The following LTBP2 variants were observed in gnomAD, a reference collection of about 807,000 sequenced individuals.
LTBP2 encodes latent-transforming growth factor beta-binding protein 2.
In LTBP2, 103 loss-of-function variants were observed where a neutral mutation model predicts 210.6. The observed-to-expected ratio is 0.49, with a 90% CI of 0.42 to 0.58. The LOEUF (loss-of-function observed/expected upper bound fraction) is 0.58. LTBP2 is among the 20% of genes least tolerant of loss of function. The probability of loss-of-function intolerance (pLI) is 0.00; values close to 1 mark genes in which losing one functional copy is unlikely to be tolerated. For synonymous variants in LTBP2, 1,007 were observed against 1,015.0 expected (o/e 0.99, Z 0.15); for missense variants, 2,313 against 2,494.5 (o/e 0.93, Z 1.55).
chr14:74,601,842 G>A (rs959047232), intron 2 of LTBP2, among the ~76,000 whole-genome samples: 1 of 152,192 alleles, frequency 6.6e-6, no homozygotes, highest in Admixed American at 6.5e-5. Context: ...CACACACCTG[G>A]ACTATTAGCT....
chr14:74,555,771 T>C, intron 3 of LTBP2, 78 bp from the exon 4 acceptor site: 1 of 1,128,024 alleles, frequency 8.9e-7, no homozygotes, highest in Non-Finnish European at 1.2e-6. Flanking sequence ...AGCCACCCAC[T>C]CTCTGCCTTT....
chr14:74,570,448 G>A (rs1223634591), intron 3 of LTBP2, among the ~76,000 whole-genome samples: 1 of 152,138 alleles, frequency 6.6e-6, no homozygotes, highest in Non-Finnish European at 1.5e-5. Flanking sequence ...ACACTTTCAG[G>A]AACTGGCCAA....
At chr14:74,605,491 T>C (rs895778458) in intron 1 of LTBP2, among the ~76,000 whole-genome samples, 1 of 152,000 alleles carries the variant, frequency 6.6e-6, no homozygotes, top group African/African-American at 2.4e-5. Flanking sequence ...AGACCCAGAG[T>C]TTCCGGGGGT....
At chr14:74,575,537 G>C (rs554684275) in intron 3 of LTBP2, among the ~76,000 whole-genome samples, 1 of 152,332 alleles carries the variant, frequency 6.6e-6, no homozygotes, top group Admixed American at 6.5e-5. Context: ...GTGTCCAACA[G>C]CTGAAAGGTC....
intron 21 of LTBP2, 76 bp from the exon 22 acceptor site, chr14:74,509,439 C>T: frequency 6.2e-7 from 1 of 1,600,700 alleles, no homozygotes. Context: ...CTCACCGTGG[C>T]TTCCCTCTCT....
chr14:74,499,231 G>A lies in LTBP2; in HGVS notation c.*1653C>T, dbSNP rs1358423961. 4.6e-6 allele frequency: 1 copy of A among 215,694 alleles called. No homozygotes were observed. Among genetic ancestry groups the A allele is most frequent in the Non-Finnish European group, 9.3e-6 (1 of 107,016 alleles). The allele number at this position is 215,694 out of a possible 1,614,324, so 13.4% of individuals were successfully genotyped here. Reference sequence around the variant, plus strand: ...TTAAGTTGCATTTCTTTTATTATGAGTGAAAGAATATTTTTACATGCGTAA... The same window carrying A: ...TTAAGTTGCATTTCTTTTATTATGAATGAAAGAATATTTTTACATGCGTAA... On this transcript the variant is annotated 3_prime_UTR_variant, in exon 36 of 36. Transcript: ENST00000261978.
chr14:74,522,962 C>T, intron 15 of LTBP2, 44 bp from the exon 16 acceptor site: 1 of 1,596,780 alleles, frequency 6.3e-7, no homozygotes, highest in Non-Finnish European at 8.5e-7. Flanking sequence ...AGGGTGGGTG[C>T]TGGACAAAGG....
At chr14:74,563,265 G>A (rs577042470) in intron 3 of LTBP2, among the ~76,000 whole-genome samples, 3 of 151,918 alleles carry the variant, frequency 2.0e-5, no homozygotes, top group African/African-American at 7.3e-5. Flanking sequence ...CATTTCCCCC[G>A]CAAAATCACA....
chr14:74,553,656 C>A (rs866116504), intron 4 of LTBP2, among the ~76,000 whole-genome samples: 2 of 152,148 alleles, frequency 1.3e-5, no homozygotes, highest in African/African-American at 2.4e-5. Context: ...AGCAAGACAT[C>A]ATGCTGGCTT....
chr14:74,561,251 G>A (rs1323483037), intron 3 of LTBP2, among the ~76,000 whole-genome samples: 1 of 152,182 alleles, frequency 6.6e-6, no homozygotes, highest in African/African-American at 2.4e-5. Context: ...CCGGGAGGCA[G>A]AGGTTGCAGT....
intron 1 of LTBP2, among the ~76,000 whole-genome samples, chr14:74,606,177 T>G (rs2088524103): frequency 6.6e-6 from 1 of 152,202 alleles, no homozygotes. Flanking sequence ...AGCATCACTG[T>G]AGGGAACACA....
intron 3 of LTBP2, among the ~76,000 whole-genome samples, chr14:74,577,190 A>C (rs1482758789): frequency 6.6e-6 from 1 of 152,216 alleles, no homozygotes. Flanking sequence ...GAAAGAAAAA[A>C]AGGCTAAAAA....
At position 74,503,978 on chromosome 14, in the gene LTBP2, G is replaced by A; in HGVS notation, c.4530C>T (p.Val1510=). 6.2e-7 allele frequency: 1 copy of A among 1,614,158 alleles called. No individual in the cohort carries two copies. The highest frequency in any genetic ancestry group is 8.5e-7 in the Non-Finnish European group (1 of 1,180,026). The change falls in exon 31 of 36, where the codon GTC becomes GTT. Residue 1510 remains valine (V), a synonymous_variant. Coordinates refer to ENST00000261978, the MANE Select transcript of LTBP2 (RefSeq NM_000428.3). ...AGTGGAAGCCGGGATTGCACAGGCA[G>A]ACATAACCAGGCACGGTGTTGAGGC... ...GRCLNTVPGY[V]CLCNPGFHYD... is the part of the protein sequence containing the mutation.
At chr14:74,505,896 C>T (rs1595239580) in intron 28 of LTBP2, 152 bp downstream of exon 28, 1 of 1,071,698 alleles carries the variant, frequency 9.3e-7, no homozygotes, top group East Asian at 2.4e-5. Flanking sequence ...CTCACCCCTC[C>T]ATGCACCAGG....
rs557937913 is a variant in LTBP2, at chr14:74,517,156, C to T, written c.2789-215G>A. The stretch of plus-strand genomic sequence containing the variant: ...CTCAGGCCCCTGATAAACCTGAGTT[C>T]CTTTCTCTCAGGGGAGTCTACTCTG... On this transcript the variant is annotated intron_variant, in intron 17 of 35. Transcript: ENST00000261978. 3.9e-4 allele frequency among the ~76,000 whole-genome samples: 60 copies of T among 152,300 alleles called. No homozygotes were observed. In the South Asian group the frequency reaches 0.012, roughly 31 times the overall value.
At position 74,503,021 on chromosome 14, in the gene LTBP2, A is replaced by G. The variant is rs558799743; in HGVS notation, c.4889-87T>C. 563 of 1,556,726 alleles carry G rather than the reference A, an allele frequency of 3.6e-4. 8 individuals carry two copies. The South Asian group carries it at 5.9e-3, about 16-fold the overall frequency. On this transcript the variant is annotated intron_variant, in intron 33 of 35. Coordinates refer to ENST00000261978, the MANE Select transcript of LTBP2 (RefSeq NM_000428.3). ...GCTTTGTCTCTGGGAGCATGCAAGG[A>G]CTGGTACCCTCTGGGAGATCCTGGC...
intron 19 of LTBP2, among the ~76,000 whole-genome samples, chr14:74,510,451 C>T (rs1006839927): frequency 2.0e-5 from 3 of 152,220 alleles, no homozygotes; most frequent in African/African-American, 4.8e-5. Context: ...CATGTATCCA[C>T]GCAGGGGGCC....
At chr14:74,506,866 TGTGTGTGTGTGTGCGCGCGCGC>T (rs768100030) in intron 26 of LTBP2, 43 bp from the exon 27 acceptor site, 2 of 1,550,944 alleles carry the variant, frequency 1.3e-6, no homozygotes, top group South Asian at 1.1e-5. Context: ...TGTGTGTGTG[TGTGTGTGTGTGTGCGCGCGCGC>T]GTGTGTGCTC....
In LTBP2 at chr14:74,528,966, G is replaced by A. The variant is rs1192439208; in HGVS notation, c.2144C>T (p.Pro715Leu). 1.2e-6 allele frequency: 2 copies of A among 1,611,222 alleles called. No individual in the cohort carries two copies. The highest frequency in any genetic ancestry group is 1.7e-6 in the Non-Finnish European group (2 of 1,179,242). ...WGSECEKCPL[P>L]GTEAFREICP... ...TGGGAACAGGAGGTTACCTGTGCCA[G>A]GCAGAGGGCATTTCTCACACTCGCT... The change falls in exon 11 of 36, where the codon CCT (proline) becomes CTT (leucine). Residue 715 changes from proline to leucine, a missense_variant. Transcript: ENST00000261978.
Sources: allele counts gnomAD v4.1 joint callset (sites outside exome capture counted in the v4.1 genomes callset), GRCh38; gene constraint gnomAD v4.1.1; transcripts MANE v1.5; gene names NCBI Gene and HGNC (gene_info 2026-07-23, HGNC 2026-07-21).